Variants in RAB11FIP2 observed in about 807,000 individuals in gnomAD.
RAB11FIP2 encodes rab11 family-interacting protein 2.
In RAB11FIP2, 16 loss-of-function variants were observed where a neutral mutation model predicts 40.9. The observed-to-expected ratio is 0.39, with a 90% CI of 0.26 to 0.59. The LOEUF is 0.59. Among genes scored for constraint, RAB11FIP2 ranks in the 20% least tolerant of loss-of-function variants. RAB11FIP2 has a pLI of 0.53. For synonymous variants in RAB11FIP2, 228 were observed against 213.7 expected (o/e 1.07, Z -0.58); for missense variants, 532 against 606.2 (o/e 0.88, Z 1.28).
At chr10:118,031,797 C>T (rs921438466) in intron 3 of RAB11FIP2, among the ~76,000 whole-genome samples, 10 of 151,976 alleles carry the variant, frequency 6.6e-5, no homozygotes, top group African/African-American at 2.2e-4. Context: ...ACAGAACATA[C>T]CATTTAGTTA....
chr10:118,009,019 A>G lies in RAB11FIP2; in HGVS notation c.1518T>C (p.Ala506=). The G allele has an allele frequency of 6.2e-7, 1 of 1,612,572 alleles. No homozygotes were observed. The highest frequency in any genetic ancestry group is 8.5e-7 in the Non-Finnish European group (1 of 1,178,742). The change falls in exon 5 of 5, where the codon GCT becomes GCC. Residue 506 remains alanine (A), a synonymous_variant. Transcript: ENST00000355624. ...LRVPYEPSRK[A]GKFSNS is the part of the protein sequence containing the mutation. The stretch of plus-strand genomic sequence containing the variant: ...TTTATTAACTGTTAGAGAATTTGCC[A>G]GCTTTCCTGGATGGTTCATACGGCA...
At chr10:118,023,726 A>C (rs911272290) in intron 3 of RAB11FIP2, among the ~76,000 whole-genome samples, 15 of 152,344 alleles carry the variant, frequency 9.8e-5, no homozygotes, top group African/African-American at 2.9e-4. Context: ...GAACTTGAGG[A>C]TTTAAAGACA....
intron 3 of RAB11FIP2, among the ~76,000 whole-genome samples, chr10:118,031,868 T>C (rs1846419244): frequency 6.6e-6 from 1 of 151,958 alleles, no homozygotes; most frequent in Admixed American, 6.6e-5. Flanking sequence ...GAGCAGAAAA[T>C]AATGGAGTGA....
rs1846624938 is a variant in RAB11FIP2 at position 118,045,910 on chromosome 10, A to G, written c.254T>C (p.Ile85Thr). The part of the protein sequence containing the change: ...GSPEKYILFL[I>T]VMHRSLVGLD... ...ACCCACCAGGGACCTGTGCATAACT[A>G]TAAGGAAAAGAATGTATTTCTCTGG... is the stretch of plus-strand genomic sequence containing the variant. Residue 85 changes from isoleucine to threonine, a missense_variant, in exon 1 of 5, where the codon ATA becomes ACA. Ile to Thr is a moderately conservative substitution (Grantham distance 89). Transcript: ENST00000355624. 4 of 1,614,220 alleles carry G rather than the reference A, an allele frequency of 2.5e-6. No homozygotes were observed. The highest frequency in any genetic ancestry group is 1.6e-4 in the Middle Eastern group (1 of 6,062).
In RAB11FIP2 at chr10:118,009,196, C is replaced by T. The variant is rs139031897; in HGVS notation, c.1341G>A (p.Gly447=). The T allele has an allele frequency of 2.4e-5, 39 of 1,613,228 alleles. No homozygotes were observed. The African/African-American group carries it at 4.7e-4, about 19-fold the overall frequency. Residue 447 remains glycine (G), a synonymous_variant, in exon 5 of 5, where the codon GGG becomes GGA. Transcript: ENST00000355624. ...PDSNPFDATA[G]YRSLTYEEVL... ...CCTCTTCATAGGTCAGACTACGATACCCTGCAGTGGCATCAAAGGGGTTGC... is the reference window on the plus strand; with the variant it reads ...CCTCTTCATAGGTCAGACTACGATATCCTGCAGTGGCATCAAAGGGGTTGC...
At chr10:118,033,793 A>C (rs990227374) in intron 3 of RAB11FIP2, among the ~76,000 whole-genome samples, 2 of 152,134 alleles carry the variant, frequency 1.3e-5, no homozygotes, top group African/African-American at 4.8e-5. Context: ...TCTTAAACAC[A>C]ACGAAAGGTA....
At chr10:118,034,089 T>C in intron 3 of RAB11FIP2, 1 of 697,966 alleles carries the variant, frequency 1.4e-6, no homozygotes, top group Non-Finnish European at 2.6e-6. Flanking sequence ...GGCCATATGG[T>C]CTCTGTCACA....
chr10:118,008,931 T>C lies in RAB11FIP2; in HGVS notation c.*67A>G. The C allele has an allele frequency of 7.5e-7, 1 of 1,329,756 alleles. No homozygotes were observed. Among genetic ancestry groups the C allele is most frequent in the South Asian group, 1.3e-5 (1 of 77,866 alleles). The allele number at this position is 1,329,756 out of a possible 1,614,324, so 82.4% of individuals were successfully genotyped here. On this transcript the variant is annotated 3_prime_UTR_variant, in exon 5 of 5. Transcript: ENST00000355624. The stretch of plus-strand genomic sequence containing the variant: ...TAGTGTAGTCTCTTTCAGTAACAAG[T>C]TTTTCCTTCCTTCCTTCTTTCTTTC...
rs753174396 is a variant in RAB11FIP2 at position 118,008,793 on chromosome 10, T to C, written c.*205A>G. 9 of 555,448 alleles carry C rather than the reference T, an allele frequency of 1.6e-5. No individual in the cohort carries two copies. Among genetic ancestry groups the C allele is most frequent in the Non-Finnish European group, 2.2e-5 (7 of 312,636 alleles). 34.4% of individuals were successfully genotyped at this position (555,448 alleles called of 1,614,324 possible). A position where few individuals can be genotyped will look rare whatever the true frequency, so the allele number is the denominator to read the frequency against. ...CATTGAGAATCTGGCCCATTTTCAA[T>C]TTAAACATTTAAATGATTTAGCTTG... On this transcript the variant is annotated 3_prime_UTR_variant, in exon 5 of 5. Transcript: ENST00000355624.
At chr10:118,023,506 G>A (rs531678020) in intron 3 of RAB11FIP2, among the ~76,000 whole-genome samples, 9 of 152,130 alleles carry the variant, frequency 5.9e-5, no homozygotes, top group South Asian at 2.1e-4. Context: ...CCAAAACCTC[G>A]ATGACAAAAC....
chr10:118,011,526 CAT>C (rs1185547657), intron 4 of RAB11FIP2, among the ~76,000 whole-genome samples: 1 of 152,046 alleles, frequency 6.6e-6, no homozygotes, highest in African/African-American at 2.4e-5. Context: ...AAAGAGAAGA[CAT>C]AGTGTAGAGT....
chr10:118,021,681 T>C (rs1465313394), intron 3 of RAB11FIP2, among the ~76,000 whole-genome samples: 1 of 152,226 alleles, frequency 6.6e-6, no homozygotes, highest in Non-Finnish European at 1.5e-5. Flanking sequence ...CTATTTTCAC[T>C]AAAATCACCT....
chr10:118,038,901 A>T, intron 3 of RAB11FIP2, 71 bp downstream of exon 3: 1 of 995,872 alleles, frequency 1.0e-6, no homozygotes, highest in Non-Finnish European at 1.5e-6. Flanking sequence ...TCTAGCATTT[A>T]AAAGAAATAT....
chr10:118,045,329 A>G (rs910155490), intron 1 of RAB11FIP2: 4 of 154,768 alleles, frequency 2.6e-5, no homozygotes, highest in African/African-American at 9.6e-5. Context: ...AGCTAAAATA[A>G]AAGCTGTGTT....
At chr10:118,012,810 T>G (rs1342799778) in intron 4 of RAB11FIP2, among the ~76,000 whole-genome samples, 1 of 152,080 alleles carries the variant, frequency 6.6e-6, no homozygotes, top group Non-Finnish European at 1.5e-5. Context: ...ACAGCACTTA[T>G]GTTTTTAAGA....
chr10:118,026,177 G>A (rs10886194), intron 3 of RAB11FIP2, among the ~76,000 whole-genome samples: 7,148 of 152,170 alleles, frequency 0.047, 400 homozygotes, highest in East Asian at 0.17. Flanking sequence ...AAAGATGGGA[G>A]GCACAAAGAG....
At chr10:118,042,286 G>A (rs150358898) in intron 1 of RAB11FIP2, among the ~76,000 whole-genome samples, 1,596 of 152,216 alleles carry the variant, frequency 0.01, 11 homozygotes, top group Non-Finnish European at 0.017. Flanking sequence ...CCCCAAAATG[G>A]AAGGGGGTGG....
At chr10:118,013,228 A>G (rs576941908) in intron 4 of RAB11FIP2, among the ~76,000 whole-genome samples, 3 of 152,182 alleles carry the variant, frequency 2.0e-5, no homozygotes, top group African/African-American at 7.2e-5. Flanking sequence ...GAGAGAAAAA[A>G]AAATGAAGGC....
At chr10:118,017,614 T>G (rs1404515080) in intron 3 of RAB11FIP2, 1 of 152,204 alleles carries the variant, frequency 6.6e-6, no homozygotes, top group Non-Finnish European at 1.5e-5. Context: ...AAGGTTCTGA[T>G]GACGCATTCC....
Sources: gnomAD v4.1 joint callset for allele counts (sites outside exome capture counted in the v4.1 genomes callset) on GRCh38, gnomAD v4.1.1 for gene constraint, MANE v1.5 for transcripts, NCBI Gene and HGNC (gene_info 2026-07-23, HGNC 2026-07-21) for gene names.